PARD3: variants seen among roughly 807,000 people sequenced by gnomAD.
The protein encoded by PARD3 is par-3 family cell polarity regulator.
Under a neutral mutation model 155.4 loss-of-function variants are expected in PARD3, and 75 were observed. The observed-to-expected ratio is 0.48, with a 90% CI of 0.40 to 0.58. The LOEUF is 0.58. Among genes scored for constraint, PARD3 ranks in the 20% least tolerant of loss-of-function variants. The pLI, the probability that PARD3 is intolerant of heterozygous loss-of-function variation, is 0.00. For synonymous variants in PARD3, 576 were observed against 610.5 expected (o/e 0.94, Z 0.83); for missense variants, 1,642 against 1,721.7 (o/e 0.95, Z 0.82).
chr10:34,606,156 ATGTGTGTGTGTGTGTG>A (rs59792013), intron 2 of PARD3, among the ~76,000 whole-genome samples: 1,266 of 126,526 alleles, frequency 0.01, 17 homozygotes, highest in African/African-American at 0.032. Context: ...ATAAAGGGAA[ATGTGTGTGTGTGTGTG>A]TGTGTGTGTG....
rs1018454731 is a variant in PARD3, at chr10:34,401,873, A to G, written c.759T>C (p.Val253=). 1.2e-6 allele frequency: 2 copies of G among 1,613,722 alleles called. No individual in the cohort carries two copies. The highest frequency in any genetic ancestry group is 8.5e-7 in the Non-Finnish European group (1 of 1,179,662). The change falls in exon 6 of 25, where the codon GTT becomes GTC. Residue 253 remains valine (V), a synonymous_variant. Coordinates refer to ENST00000374788, the MANE Select transcript of PARD3 (RefSeq NM_001184785.2). Reference sequence around the variant, plus strand: ...GCTCCAAACCCGTGTCAGCATGTCCAACAGGTTCAACACGACTGTTATCCT... The same window carrying G: ...GCTCCAAACCCGTGTCAGCATGTCCGACAGGTTCAACACGACTGTTATCCT... ...TEEDNSRVEP[V]GHADTGLEHI...
intron 2 of PARD3, among the ~76,000 whole-genome samples, chr10:34,610,917 T>A (rs1374274695): frequency 6.6e-6 from 1 of 152,158 alleles, no homozygotes; most frequent in Non-Finnish European, 1.5e-5. Context: ...GGGGGGAGTT[T>A]GAAATTTTCA....
At chr10:34,227,374 G>A (rs1028694953) in intron 22 of PARD3, among the ~76,000 whole-genome samples, 3 of 152,218 alleles carry the variant, frequency 2.0e-5, no homozygotes, top group Non-Finnish European at 4.4e-5. Context: ...TGTGGCTCAC[G>A]CCTGTAATCC....
At chr10:34,516,859 A>C (rs1242988915) in intron 3 of PARD3, 120 bp downstream of exon 3, 1 of 981,606 alleles carries the variant, frequency 1.0e-6, no homozygotes, top group East Asian at 2.5e-5. Context: ...CTGGGTCCTA[A>C]ACTTAATTTT....
chr10:34,238,775 G>A (rs1351300784), intron 22 of PARD3, among the ~76,000 whole-genome samples: 1 of 152,124 alleles, frequency 6.6e-6, no homozygotes, highest in Admixed American at 6.5e-5. Context: ...CTATAAGAAA[G>A]ATTCTGAGTA....
chr10:34,575,031 C>T (rs2086775728), intron 2 of PARD3, among the ~76,000 whole-genome samples: 1 of 152,116 alleles, frequency 6.6e-6, no homozygotes, highest in Admixed American at 6.5e-5. Context: ...CCTACTCCGT[C>T]ACCCAGGCTG....
At chr10:34,358,945 T>C (rs1839174075) in intron 14 of PARD3, among the ~76,000 whole-genome samples, 1 of 152,180 alleles carries the variant, frequency 6.6e-6, no homozygotes, top group Non-Finnish European at 1.5e-5. Context: ...GGAGTATTAA[T>C]GTCCACTTAG....
chr10:34,498,004 T>C (rs1780579), intron 3 of PARD3, among the ~76,000 whole-genome samples: 4,735 of 152,258 alleles, frequency 0.031, 120 homozygotes, highest in Middle Eastern at 0.071. Context: ...AAAGAAGTGC[T>C]TTCCCCCCTC....
chr10:34,331,108 T>A lies in PARD3; in HGVS notation c.2833+9A>T, dbSNP rs1589205325. 6.2e-7 allele frequency: 1 copy of A among 1,600,196 alleles called. No individual in the cohort carries two copies. Among genetic ancestry groups the A allele is most frequent in the Non-Finnish European group, 8.6e-7 (1 of 1,167,354 alleles). On this transcript the variant is annotated intron_variant, in intron 19 of 24. Coordinates refer to ENST00000374788, the MANE Select transcript of PARD3 (RefSeq NM_001184785.2). ...TTAATTATTATTCTTTCAGCCATTA[T>A]AAACTTACAGGTCTCCATGCCTTCA...
At chr10:34,637,594 GC>G (rs2092527209) in intron 2 of PARD3, among the ~76,000 whole-genome samples, 1 of 152,126 alleles carries the variant, frequency 6.6e-6, no homozygotes, top group Non-Finnish European at 1.5e-5. Flanking sequence ...TCTCAAAAAT[GC>G]CCCCCACACC....
intron 2 of PARD3, among the ~76,000 whole-genome samples, chr10:34,599,197 G>A (rs193233419): frequency 1.3e-4 from 20 of 152,210 alleles, no homozygotes; most frequent in African/African-American, 4.6e-4. Context: ...AACTCTTAGC[G>A]TAAGTATGGC....
intron 21 of PARD3, among the ~76,000 whole-genome samples, chr10:34,280,067 A>T (rs920636213): frequency 1.3e-5 from 2 of 152,142 alleles, no homozygotes; most frequent in African/African-American, 4.8e-5. Flanking sequence ...AACATTATAA[A>T]CCTCATTTAA....
At chr10:34,352,909 T>G (rs1838296293) in intron 14 of PARD3, among the ~76,000 whole-genome samples, 1 of 151,506 alleles carries the variant, frequency 6.6e-6, no homozygotes, top group African/African-American at 2.4e-5. Context: ...GGAGCGTCTC[T>G]GCCCGGCCGC....
chr10:34,600,665 T>C (rs982007300), intron 2 of PARD3, among the ~76,000 whole-genome samples: 8 of 152,230 alleles, frequency 5.3e-5, no homozygotes, highest in Non-Finnish European at 1.2e-4. Context: ...ATTAGTCTTG[T>C]TTTTATGATC....
In PARD3 at chr10:34,192,388, G is replaced by A. The variant is rs184992458; in HGVS notation, c.3420-60805C>T. On this transcript the variant is annotated intron_variant, in intron 22 of 24. Transcript: ENST00000374788. ...GCTGGGATTACAGGCGTGAGCCACCGTCCCCAGCCCTGCTTGTTTTTCTAT... is the reference window on the plus strand; with the variant it reads ...GCTGGGATTACAGGCGTGAGCCACCATCCCCAGCCCTGCTTGTTTTTCTAT... Among the ~76,000 whole-genome samples, 122 of 152,186 alleles carry A rather than the reference G, an allele frequency of 8.0e-4. 2 individuals are homozygous for A. Among genetic ancestry groups the A allele is most frequent in the Middle Eastern group, 6.8e-3 (2 of 292 alleles).
chr10:34,308,237 T>G (rs1303034499), intron 20 of PARD3, among the ~76,000 whole-genome samples: 1 of 152,090 alleles, frequency 6.6e-6, no homozygotes, highest in Non-Finnish European at 1.5e-5. Flanking sequence ...CGAAGGCTAC[T>G]GGGGGTTGAA....
intron 22 of PARD3, among the ~76,000 whole-genome samples, chr10:34,185,624 T>C (rs1950451786): frequency 6.6e-6 from 1 of 151,976 alleles, no homozygotes; most frequent in Admixed American, 6.6e-5. Flanking sequence ...ATCTTTAAGA[T>C]ATTTTTTGCC....
At chr10:34,564,347 A>G (rs79684968) in intron 2 of PARD3, among the ~76,000 whole-genome samples, 1,824 of 152,320 alleles carry the variant, frequency 0.012, 41 homozygotes, top group African/African-American at 0.041. Flanking sequence ...TATCCATCCA[A>G]CCTTCCTTCT....
At chr10:34,656,113 G>A (rs1387275961) in intron 2 of PARD3, among the ~76,000 whole-genome samples, 1 of 152,062 alleles carries the variant, frequency 6.6e-6, no homozygotes, top group Non-Finnish European at 1.5e-5. Flanking sequence ...AAAAAGTAAA[G>A]AGTAATTTTT....
Sources: allele counts gnomAD v4.1 joint callset (sites outside exome capture counted in the v4.1 genomes callset), GRCh38; gene constraint gnomAD v4.1.1; transcripts MANE v1.5; gene names NCBI Gene and HGNC (gene_info 2026-07-23, HGNC 2026-07-21).